COL24A1: variants seen among roughly 807,000 people sequenced by gnomAD.
The protein encoded by COL24A1 is collagen alpha-1(XXIV) chain.
In COL24A1, 224 loss-of-function variants were observed where a neutral mutation model predicts 253.9. That is an observed-to-expected ratio of 0.88 (90% CI 0.79 to 0.99). The LOEUF is 0.99. COL24A1 is among the 50% of genes least tolerant of loss of function. The probability of loss-of-function intolerance (pLI) is 0.00; values close to 1 mark genes in which losing one functional copy is unlikely to be tolerated. For synonymous variants in COL24A1, 685 were observed against 673.7 expected (o/e 1.02, Z -0.26); for missense variants, 2,131 against 2,068.5 (o/e 1.03, Z -0.59).
intron 24 of COL24A1, among the ~76,000 whole-genome samples, chr1:85,957,199 G>T (rs994209265): frequency 6.6e-6 from 1 of 152,128 alleles, no homozygotes. Flanking sequence ...AGGGGATGGG[G>T]TGCAAGGGGA....
chr1:85,876,646 G>A (rs55929629), intron 33 of COL24A1, among the ~76,000 whole-genome samples: 3,023 of 152,234 alleles, frequency 0.02, 97 homozygotes, highest in African/African-American at 0.07. Flanking sequence ...TAATGAGAAG[G>A]TGAAGTGACA....
intron 24 of COL24A1, among the ~76,000 whole-genome samples, chr1:85,940,445 C>A: frequency 2.1e-5 from 3 of 143,584 alleles, no homozygotes; most frequent in Non-Finnish European, 4.6e-5. Context: ...AAAAAAGTGC[C>A]ATAAGATATA....
chr1:85,845,217 G>C (rs1236604141), intron 39 of COL24A1, among the ~76,000 whole-genome samples: 1 of 151,700 alleles, frequency 6.6e-6, no homozygotes, highest in Non-Finnish European at 1.5e-5. Context: ...TCAACTTTTG[G>C]AAATCTATGA....
intron 24 of COL24A1, among the ~76,000 whole-genome samples, chr1:85,920,418 G>A (rs1293238655): frequency 2.6e-5 from 4 of 152,218 alleles, no homozygotes; most frequent in Non-Finnish European, 5.9e-5. Flanking sequence ...CAGAATATGT[G>A]TAGGGGAATA....
In COL24A1 at chr1:86,063,357, C is replaced by CTGTGTG. The variant is rs201355392; in HGVS notation, c.1752+357_1752+358insCACACA. ...TGTACAAAAAAAATTAAGTCTCTCT[C>CTGTGTG]TCTGTGTGTGTGTGTGTGTGTGTGT... On this transcript the variant is annotated intron_variant, in intron 8 of 59. Coordinates refer to ENST00000370571, the MANE Select transcript of COL24A1 (RefSeq NM_152890.7). Among the ~76,000 whole-genome samples the CTGTGTG allele has an allele frequency of 2.8e-3, 395 of 139,026 alleles. 1 individual carries two copies. The highest frequency in any genetic ancestry group is 6.0e-3 in the South Asian group (28 of 4,638). The allele number at this position is 139,026 out of a possible 152,430, so 91.2% of individuals were successfully genotyped here. A position where few individuals can be genotyped will look rare whatever the true frequency, so the allele number is the denominator to read the frequency against.
chr1:86,089,782 T>C (rs546323452), intron 6 of COL24A1, among the ~76,000 whole-genome samples: 1 of 152,336 alleles, frequency 6.6e-6, no homozygotes, highest in African/African-American at 2.4e-5. Flanking sequence ...ATCTCGCCAC[T>C]GCACTCCAGC....
chr1:85,985,020 C>T (rs1693596875), intron 20 of COL24A1, among the ~76,000 whole-genome samples: 1 of 151,740 alleles, frequency 6.6e-6, no homozygotes, highest in Non-Finnish European at 1.5e-5. Context: ...TATGTGCTAT[C>T]CATATTATAG....
chr1:86,009,494 A>C (rs1458026942), intron 19 of COL24A1, among the ~76,000 whole-genome samples: 1 of 152,214 alleles, frequency 6.6e-6, no homozygotes, highest in Non-Finnish European at 1.5e-5. Context: ...AAACCTGTAC[A>C]GTATGTTACT....
intron 53 of COL24A1, among the ~76,000 whole-genome samples, chr1:85,763,989 T>G (rs561536236): frequency 6.6e-6 from 1 of 152,326 alleles, no homozygotes; most frequent in South Asian, 2.1e-4. Flanking sequence ...TCCTTAAACT[T>G]GAGTATGTTA....
intron 7 of COL24A1, among the ~76,000 whole-genome samples, chr1:86,072,237 C>A (rs113501003): frequency 0.019 from 2,827 of 152,270 alleles, 34 homozygotes; most frequent in Middle Eastern, 0.065. Flanking sequence ...CCCCACAGAG[C>A]CCATGAAGCT....
chr1:85,887,771 T>A (rs930241564), intron 32 of COL24A1, among the ~76,000 whole-genome samples: 3 of 152,168 alleles, frequency 2.0e-5, no homozygotes, highest in Non-Finnish European at 4.4e-5. Flanking sequence ...TGTCTGATTT[T>A]CCTCTTATTC....
At chr1:85,998,706 C>T (rs1302177404) in intron 19 of COL24A1, among the ~76,000 whole-genome samples, 1 of 152,154 alleles carries the variant, frequency 6.6e-6, no homozygotes, top group African/African-American at 2.4e-5. Context: ...GCGTACTGTC[C>T]AAGATAACGA....
intron 7 of COL24A1, among the ~76,000 whole-genome samples, chr1:86,072,124 A>T (rs1701920756): frequency 6.6e-6 from 1 of 152,242 alleles, no homozygotes; most frequent in South Asian, 2.1e-4. Flanking sequence ...AATTTTTTTC[A>T]TACCCCAGTG....
chr1:86,125,272 C>G lies in COL24A1; in HGVS notation c.1064G>C (p.Arg355Pro), dbSNP rs201337043. Reference sequence around the variant, plus strand: ...GGTATTCATTTTTGCCTCACTGATGCGATGAGTGGTCACTGACAGGCTGAA... The same window carrying G: ...GGTATTCATTTTTGCCTCACTGATGGGATGAGTGGTCACTGACAGGCTGAA... ...TNFSLSVTTH[R>P]ISEAKMNTKE... Residue 355 changes from arginine (R) to proline (P), a missense_variant, in exon 3 of 60, where the codon CGC becomes CCC. Arg to Pro is a moderately radical substitution (Grantham distance 103). Transcript: ENST00000370571. The G allele has an allele frequency of 1.2e-6, 2 of 1,613,534 alleles. No individual in the cohort carries two copies. Among genetic ancestry groups the G allele is most frequent in the South Asian group, 1.1e-5 (1 of 91,068 alleles).
intron 24 of COL24A1, among the ~76,000 whole-genome samples, chr1:85,920,481 G>T (rs1445110873): frequency 6.6e-6 from 1 of 152,190 alleles, no homozygotes; most frequent in Non-Finnish European, 1.5e-5. Context: ...AATACCAAGT[G>T]AGAAATTTGT....
At chr1:85,943,110 A>C (rs1049862411) in intron 24 of COL24A1, among the ~76,000 whole-genome samples, 3 of 152,182 alleles carry the variant, frequency 2.0e-5, no homozygotes, top group African/African-American at 7.2e-5. Context: ...TTGCTCTCTG[A>C]GAGCTGGTAC....
At chr1:85,889,813 G>A (rs1189857634) in intron 31 of COL24A1, among the ~76,000 whole-genome samples, 200 bp from the exon 32 acceptor site, 3 of 151,540 alleles carry the variant, frequency 2.0e-5, no homozygotes, top group African/African-American at 7.3e-5. Flanking sequence ...AAAGTTTGTG[G>A]CAGTAAGTGC....
At position 85,969,604 on chromosome 1, in the gene COL24A1, C is replaced by CAA. The variant is rs61128567; in HGVS notation, c.2463+621_2463+622dup. Among the ~76,000 whole-genome samples the CAA allele has an allele frequency of 9.9e-3, 271 of 27,496 alleles. 33 individuals carry two copies. The highest frequency in any genetic ancestry group is 0.013 in the East Asian group (7 of 556). 18.0% of individuals were successfully genotyped at this position (27,496 alleles called of 152,430 possible). On this transcript the variant is annotated intron_variant, in intron 22 of 59. Transcript: ENST00000370571. The stretch of plus-strand genomic sequence containing the variant: ...TGGATGACAGAGTGAGACTCTGTCT[C>CAA]AAAAAAAAAAAAAAAAAAAAAAAAA...
chr1:85,798,388 C>T lies in COL24A1; in HGVS notation c.3952-11927G>A, dbSNP rs190291025. ...CAAAACAAGCGGCGGGGTTGGGGGT[C>T]GGAGGGAGGGAAGAAGTACCAATCA... On this transcript the variant is annotated intron_variant, in intron 47 of 59. Transcript: ENST00000370571. 3.1e-3 allele frequency among the ~76,000 whole-genome samples: 470 copies of T among 151,358 alleles called. 4 individuals carry two copies. The highest frequency in any genetic ancestry group is 0.011 in the African/African-American group (451 of 41,156).
Sources: gnomAD v4.1 joint callset for allele counts (sites outside exome capture counted in the v4.1 genomes callset) on GRCh38, gnomAD v4.1.1 for gene constraint, MANE v1.5 for transcripts, NCBI Gene and HGNC (gene_info 2026-07-23, HGNC 2026-07-21) for gene names.